Variants in FNBP1 observed in about 807,000 individuals in gnomAD.
The protein encoded by FNBP1 is formin binding protein 1.
FNBP1 carries 26 observed loss-of-function variants against 90.6 expected under a neutral mutation model. That is an observed-to-expected ratio of 0.29 (90% CI 0.21 to 0.40). FNBP1 has a LOEUF of 0.40. Among genes scored for constraint, FNBP1 ranks in the 10% least tolerant of loss-of-function variants. FNBP1 has a pLI of 1.00. For missense variants in FNBP1, 635 were observed against 768.0 expected, an observed-to-expected ratio of 0.83 and a Z score of 2.05; for synonymous variants, 260 against 265.2, an observed-to-expected ratio of 0.98 and a Z score of 0.19.
chr9:130,020,065 T>C (rs2057663422), intron 1 of FNBP1, among the ~76,000 whole-genome samples: 1 of 152,238 alleles, frequency 6.6e-6, no homozygotes, highest in East Asian at 1.9e-4. Context: ...AGGAAATTCC[T>C]GTTGGCTGTC....
intron 12 of FNBP1, among the ~76,000 whole-genome samples, chr9:129,907,259 G>T (rs989952709): frequency 1.3e-5 from 2 of 151,972 alleles, no homozygotes; most frequent in Admixed American, 1.3e-4. Context: ...TTGTGTATTG[G>T]GTTTTTAATT....
chr9:129,913,714 T>C (rs554968099), intron 11 of FNBP1, among the ~76,000 whole-genome samples: 2 of 151,954 alleles, frequency 1.3e-5, no homozygotes, highest in South Asian at 4.2e-4. Context: ...GAGGTTGCAG[T>C]GAGCCGAGAT....
intron 4 of FNBP1, among the ~76,000 whole-genome samples, chr9:129,964,495 T>G (rs1022550972): frequency 3.3e-5 from 5 of 151,982 alleles, no homozygotes; most frequent in Non-Finnish European, 7.4e-5. Context: ...ACAGCTACAC[T>G]TACTTATTTC....
intron 8 of FNBP1, among the ~76,000 whole-genome samples, chr9:129,925,378 C>T (rs904403691): frequency 5.3e-5 from 8 of 151,246 alleles, no homozygotes; most frequent in Non-Finnish European, 1.2e-4. Flanking sequence ...TGGTGGCGGG[C>T]GCCTGTAGTC....
intron 1 of FNBP1, among the ~76,000 whole-genome samples, chr9:130,003,837 T>C (rs564424527): frequency 1.8e-3 from 256 of 142,756 alleles, no homozygotes; most frequent in African/African-American, 6.3e-3. Context: ...GGCAGGAGAA[T>C]GGCGTGAACC....
chr9:130,007,253 A>AAAG lies in FNBP1; in HGVS notation c.25-12296_25-12295insCTT, dbSNP rs1554852439. Among the ~76,000 whole-genome samples, 17 of 150,708 alleles carry AAAG rather than the reference A, an allele frequency of 1.1e-4. No individual in the cohort carries two copies. In the South Asian group the frequency reaches 1.7e-3, roughly 15 times the overall value. On this transcript the variant is annotated intron_variant, in intron 1 of 16. Coordinates refer to ENST00000446176, the MANE Select transcript of FNBP1 (RefSeq NM_015033.3). Reference sequence around the variant, plus strand: ...TGAGATCCTGTCAAAAAAAAAAAAAAAAAAGAAAAAAAAAAAGAATGCAGA... The same window carrying AAAG: ...TGAGATCCTGTCAAAAAAAAAAAAAAAAGAAAAGAAAAAAAAAAAGAATGCAGA...
chr9:130,039,136 A>C (rs2059605331), intron 1 of FNBP1, among the ~76,000 whole-genome samples: 1 of 152,216 alleles, frequency 6.6e-6, no homozygotes, highest in African/African-American at 2.4e-5. Context: ...ATTTTGGTTA[A>C]TTTTACATAC....
chr9:129,909,822 T>C (rs993656135), intron 11 of FNBP1, among the ~76,000 whole-genome samples: 3 of 152,118 alleles, frequency 2.0e-5, no homozygotes, highest in African/African-American at 7.2e-5. Context: ...TGACTTCAGG[T>C]GATCTGCTCA....
chr9:129,938,289 T>C (rs1425349129), intron 6 of FNBP1, among the ~76,000 whole-genome samples: 1 of 152,220 alleles, frequency 6.6e-6, no homozygotes, highest in African/African-American at 2.4e-5. Context: ...ATAAACGGCA[T>C]TGTTTAAATT....
intron 1 of FNBP1, among the ~76,000 whole-genome samples, chr9:130,027,897 A>G (rs183694936): frequency 1.3e-5 from 2 of 152,068 alleles, no homozygotes; most frequent in Admixed American, 6.6e-5. Context: ...AAAAAAACGC[A>G]CGGCTATTTG....
intron 6 of FNBP1, among the ~76,000 whole-genome samples, chr9:129,945,710 A>G (rs894953286): frequency 6.6e-6 from 1 of 152,228 alleles, no homozygotes; most frequent in Non-Finnish European, 1.5e-5. Context: ...ATTCCAACCG[A>G]AGAAAACCTA....
chr9:129,900,081 T>C lies in FNBP1; in HGVS notation c.1571A>G (p.Glu524Gly). 1 of 1,612,316 alleles carries C rather than the reference T, an allele frequency of 6.2e-7. No individual in the cohort carries two copies. The highest frequency in any genetic ancestry group is 8.5e-7 in the Non-Finnish European group (1 of 1,179,228). ...DRESPDGSYT[E>G]EQSQESEMKV... The stretch of plus-strand genomic sequence containing the variant: ...CATCTCACTCTCCTGACTCTGCTCC[T>C]CTGTGTAACTGCCATCTGGGCTGCT... Residue 524 changes from glutamate to glycine, a missense_variant, in exon 15 of 17, where the codon GAG becomes GGG. Physicochemically the swap from Glu to Gly is moderately conservative, Grantham distance 98 (BLOSUM62 -2). Transcript: ENST00000446176. The surrounding 1 kb of genome is among the most constrained non-coding windows in gnomAD (Gnocchi z 4.1).
chr9:129,925,034 C>T lies in FNBP1; in HGVS notation c.913G>A (p.Gly305Arg). 2 of 1,613,924 alleles carry T rather than the reference C, an allele frequency of 1.2e-6. No individual in the cohort carries two copies. Among genetic ancestry groups the T allele is most frequent in the Non-Finnish European group, 1.7e-6 (2 of 1,179,872 alleles). The change falls in exon 9 of 17, where the codon GGA becomes AGA. Residue 305 changes from glycine to arginine, a missense_variant. Transcript: ENST00000446176. ...AATTTGAGGTCTGGTTTGCCTTCTC[C>T]TCTGGAATTTGAAAGGCTGTTATCT... is the stretch of plus-strand genomic sequence containing the variant. ...VSDNSLSNSR[G>R]EGKPDLKFGG...
intron 11 of FNBP1, among the ~76,000 whole-genome samples, chr9:129,913,072 A>G (rs1313758915): frequency 6.6e-6 from 1 of 151,618 alleles, no homozygotes; most frequent in Admixed American, 6.6e-5. Flanking sequence ...GCTAGGCATG[A>G]TGGCAGTTGC....
intron 1 of FNBP1, among the ~76,000 whole-genome samples, chr9:130,034,640 G>A (rs922879917): frequency 2.0e-5 from 3 of 152,236 alleles, no homozygotes; most frequent in African/African-American, 7.2e-5. Flanking sequence ...GAAAGGATTA[G>A]GAGATTACTA....
intron 2 of FNBP1, among the ~76,000 whole-genome samples, chr9:129,980,126 G>A (rs892000898): frequency 3.3e-5 from 5 of 151,480 alleles, no homozygotes; most frequent in South Asian, 2.1e-4. Context: ...TTTGGAGGCC[G>A]TGGCAGACAG....
chr9:130,026,858 T>C (rs1237667509), intron 1 of FNBP1, among the ~76,000 whole-genome samples: 2 of 151,484 alleles, frequency 1.3e-5, no homozygotes, highest in Admixed American at 1.3e-4. Flanking sequence ...CCTAGCTACT[T>C]GTGAGGCTGA....
chr9:129,957,842 T>A lies in FNBP1; in HGVS notation c.409-378A>T, dbSNP rs774285776. ...TGCTGGGATTACAGGCGTGAGCCAATGTGTCTGGCCCAAGAATACTCTTCT... is the reference window on the plus strand; with the variant it reads ...TGCTGGGATTACAGGCGTGAGCCAAAGTGTCTGGCCCAAGAATACTCTTCT... On this transcript the variant is annotated intron_variant, in intron 5 of 16. Transcript: ENST00000446176. This position sits in a 1 kb window ranked among gnomAD's most constrained non-coding sequence, Gnocchi z 4.3. Among the ~76,000 whole-genome samples, 31 of 152,184 alleles carry A rather than the reference T, an allele frequency of 2.0e-4. No homozygotes were observed. Among genetic ancestry groups the A allele is most frequent in the Non-Finnish European group, 3.5e-4 (24 of 68,028 alleles).
chr9:129,943,483 T>C (rs2044667789), intron 6 of FNBP1, among the ~76,000 whole-genome samples: 1 of 150,338 alleles, frequency 6.7e-6, no homozygotes, highest in Non-Finnish European at 1.5e-5. Context: ...GCCTCCCAGC[T>C]TCAAGCGATT....
Sources: allele counts gnomAD v4.1 joint callset (sites outside exome capture counted in the v4.1 genomes callset), GRCh38; gene constraint gnomAD v4.1.1; non-coding constraint Gnocchi (gnomAD v3.1); transcripts MANE v1.5; gene names NCBI Gene and HGNC (gene_info 2026-07-23, HGNC 2026-07-21).